The following PIBF1 variants were observed in gnomAD, a reference collection of about 807,000 sequenced individuals.
PIBF1 encodes progesterone immunomodulatory binding factor 1.
Under a neutral mutation model 112.5 loss-of-function variants are expected in PIBF1, and 90 were observed. The ratio of observed to expected loss-of-function variants is 0.80; its 90% CI spans 0.67 to 0.95. PIBF1 has a LOEUF of 0.95. Ranked by LOEUF, PIBF1 falls within the 40% of genes least tolerant of loss-of-function variation. The pLI is 0.00. For missense variants in PIBF1, 915 were observed against 852.3 expected (o/e 1.07, Z -0.92); for synonymous variants, 301 against 288.6 (o/e 1.04, Z -0.44).
At chr13:73,001,582 C>CTTTTGTTTTTTTTTTTTTTTTTTT (rs2043867930) in intron 17 of PIBF1, among the ~76,000 whole-genome samples, 2 of 29,160 alleles carry the variant, frequency 6.9e-5, no homozygotes, top group African/African-American at 8.3e-5. Flanking sequence ...AAGAGCTTGA[C>CTTTTGTTTTTTTTTTTTTTTTTTT]TTTTTTTTTT....
intron 5 of PIBF1, among the ~76,000 whole-genome samples, chr13:72,803,906 A>G (rs984779662): frequency 1.7e-4 from 26 of 152,196 alleles, no homozygotes; most frequent in African/African-American, 6.0e-4. Flanking sequence ...CCCCTAATTT[A>G]TGAAAGTGCT....
chr13:72,887,285 C>G (rs2039896227), intron 10 of PIBF1, among the ~76,000 whole-genome samples: 1 of 151,702 alleles, frequency 6.6e-6, no homozygotes, highest in African/African-American at 2.4e-5. Flanking sequence ...ATTTTAATAA[C>G]ATGAAAGGAA....
Position 72,844,789 on chromosome 13 carries a change from A to ACACACACACACACACACACACACG in PIBF1, c.1224-9257_1224-9256insACACACACACACGCACACACACAC, listed in dbSNP as rs1594035467. On this transcript the variant is annotated intron_variant, in intron 9 of 17. Transcript: ENST00000326291. ...CACACACACACACACACACACACAC[A>ACACACACACACACACACACACACG]CACACACACACGGATGAAGTCTTAC... 1.2e-4 allele frequency among the ~76,000 whole-genome samples: 14 copies of ACACACACACACACACACACACACG among 119,622 alleles called. 2 individuals carry two copies. Among genetic ancestry groups the ACACACACACACACACACACACACG allele is most frequent in the African/African-American group, 4.2e-4 (11 of 26,314 alleles). The allele number at this position is 119,622 out of a possible 152,430, so 78.5% of individuals were successfully genotyped here.
intron 16 of PIBF1, among the ~76,000 whole-genome samples, chr13:72,997,190 A>G (rs188381140): frequency 3.2e-4 from 49 of 152,318 alleles, no homozygotes; most frequent in African/African-American, 1.2e-3. Flanking sequence ...AGTTGTGGCT[A>G]ATAAAGAGAT....
At chr13:72,877,321 G>A (rs1245807912) in intron 10 of PIBF1, among the ~76,000 whole-genome samples, 4 of 152,180 alleles carry the variant, frequency 2.6e-5, no homozygotes, top group Admixed American at 2.0e-4. Flanking sequence ...ATATTAATGA[G>A]AGATGTTGGT....
intron 16 of PIBF1, among the ~76,000 whole-genome samples, chr13:72,985,371 C>CAAAAAAAAA (rs67195605): frequency 0.011 from 845 of 73,870 alleles, 1 homozygote; most frequent in African/African-American, 0.013. Flanking sequence ...ACTAAAAATA[C>CAAAAAAAAA]AAAAAAAAAA....
chr13:72,939,918 T>C (rs964961204), intron 14 of PIBF1, among the ~76,000 whole-genome samples: 1 of 152,180 alleles, frequency 6.6e-6, no homozygotes, highest in Non-Finnish European at 1.5e-5. Flanking sequence ...GTCATCCTTA[T>C]CTTTGTTCCT....
At chr13:72,908,380 T>G (rs1406781734) in intron 11 of PIBF1, 151 bp from the exon 12 acceptor site, 1 of 378,314 alleles carries the variant, frequency 2.6e-6, no homozygotes, top group Non-Finnish European at 4.7e-6. Flanking sequence ...AATAAATATA[T>G]TTAATTTCCT....
intron 9 of PIBF1, among the ~76,000 whole-genome samples, chr13:72,839,919 A>T (rs915558609): frequency 3.3e-5 from 5 of 152,122 alleles, no homozygotes; most frequent in African/African-American, 1.2e-4. Flanking sequence ...ATCAAAATGG[A>T]CACTACCTAA....
At position 72,832,071 on chromosome 13, in the gene PIBF1, CCTTTTTTTTTTTT is replaced by C. The variant is rs1211318297; in HGVS notation, c.1098-3171_1098-3159del. 2.7e-4 allele frequency among the ~76,000 whole-genome samples: 16 copies of C among 59,480 alleles called. No individual in the cohort carries two copies. The South Asian group carries it at 8.8e-3, about 33-fold the overall frequency. The allele number at this position is 59,480 out of a possible 152,430, so 39.0% of individuals were successfully genotyped here. Reference sequence around the variant, plus strand: ...TCAGAGATTAGAATTGCAATTCCGGCCTTTTTTTTTTTTTTTTTTTTTTTTTTTTTTGCTTTCC... The same window carrying C: ...TCAGAGATTAGAATTGCAATTCCGGCTTTTTTTTTTTTTTTTTTGCTTTCC... On this transcript the variant is annotated intron_variant, in intron 8 of 17. Transcript: ENST00000326291.
chr13:73,002,597 C>T (rs1031153378), intron 17 of PIBF1, among the ~76,000 whole-genome samples: 6 of 152,148 alleles, frequency 3.9e-5, no homozygotes, highest in Non-Finnish European at 8.8e-5. Flanking sequence ...TCAGGATTCA[C>T]ATCATTGTCA....
chr13:72,812,296 T>C (rs962740129), intron 5 of PIBF1, among the ~76,000 whole-genome samples: 1 of 152,230 alleles, frequency 6.6e-6, no homozygotes, highest in African/African-American at 2.4e-5. Flanking sequence ...ATTTTTTTAA[T>C]GACCTCAGAA....
At chr13:72,970,284 T>G (rs2042854223) in intron 15 of PIBF1, among the ~76,000 whole-genome samples, 1 of 152,158 alleles carries the variant, frequency 6.6e-6, no homozygotes, top group Non-Finnish European at 1.5e-5. Flanking sequence ...AAGTAATACT[T>G]TATTATAAAA....
rs1435874600 is a variant in PIBF1 at position 72,872,772 on chromosome 13, T to A, written c.1322+18617T>A. Among the ~76,000 whole-genome samples the A allele has an allele frequency of 2.0e-5, 3 of 152,222 alleles. No individual in the cohort carries two copies. In the East Asian group the frequency reaches 5.8e-4, roughly 29 times the overall value. ...TAGGATACAAGTTACTATGAAAAAA[T>A]TTAATTGTATTTCTGTATGTTAGCG... On this transcript the variant is annotated intron_variant, in intron 10 of 17. Coordinates refer to ENST00000326291, the MANE Select transcript of PIBF1 (RefSeq NM_006346.4).
chr13:72,790,518 GA>G (rs2034863116), intron 2 of PIBF1, among the ~76,000 whole-genome samples: 23 of 51,432 alleles, frequency 4.5e-4, no homozygotes, highest in South Asian at 5.2e-4. Flanking sequence ...CACATAGATA[GA>G]TAGATAGATA....
chr13:72,843,044 T>C (rs1566345662), intron 9 of PIBF1, among the ~76,000 whole-genome samples: 2 of 152,244 alleles, frequency 1.3e-5, no homozygotes, highest in East Asian at 3.9e-4. Flanking sequence ...GTGTAATTCG[T>C]TGTGTGTTAG....
chr13:72,953,292 A>C (rs1274468360), intron 14 of PIBF1, among the ~76,000 whole-genome samples: 2 of 152,130 alleles, frequency 1.3e-5, no homozygotes, highest in Non-Finnish European at 2.9e-5. Context: ...AACTTCCCAC[A>C]AGTGGAAAGT....
chr13:72,964,600 GGT>G (rs2042691691), intron 14 of PIBF1, among the ~76,000 whole-genome samples: 1 of 152,020 alleles, frequency 6.6e-6, no homozygotes, highest in Non-Finnish European at 1.5e-5. Context: ...ATTGAATTAT[GGT>G]GTGAATATTT....
intron 17 of PIBF1, among the ~76,000 whole-genome samples, chr13:73,003,817 C>T (rs369452472): frequency 2.0e-5 from 3 of 152,230 alleles, no homozygotes; most frequent in African/African-American, 2.4e-5. Flanking sequence ...TCAAGTGATC[C>T]TCCCAACTCA....
Sources: gnomAD v4.1 joint callset for allele counts (sites outside exome capture counted in the v4.1 genomes callset) on GRCh38, gnomAD v4.1.1 for gene constraint, MANE v1.5 for transcripts, NCBI Gene and HGNC (gene_info 2026-07-23, HGNC 2026-07-21) for gene names.